CDK6: variants seen among roughly 807,000 people sequenced by gnomAD.
CDK6 encodes cyclin dependent kinase 6.
A neutral mutation model predicts 37.1 loss-of-function variants in CDK6; 6 were observed. The observed-to-expected ratio is 0.16, with a 90% confidence interval of 0.09 to 0.32. The LOEUF is 0.32. Among genes scored for constraint, CDK6 ranks in the 10% least tolerant of loss-of-function variants. CDK6 has a pLI of 1.00. For synonymous variants in CDK6, 160 were observed against 161.3 expected (o/e 0.99, Z 0.06); for missense variants, 224 against 418.9 (o/e 0.53, Z 4.06).
chr7:92,696,037 C>G (rs1481137595), intron 4 of CDK6, among the ~76,000 whole-genome samples: 1 of 152,212 alleles, frequency 6.6e-6, no homozygotes, highest in African/African-American at 2.4e-5. Flanking sequence ...GGTATTGGAT[C>G]TGGGTTTCGG....
At chr7:92,759,731 TA>T (rs1385422841) in intron 3 of CDK6, among the ~76,000 whole-genome samples, 2 of 148,102 alleles carry the variant, frequency 1.4e-5, no homozygotes, top group Non-Finnish European at 3.0e-5. Context: ...AAAGAAAGCT[TA>T]AAAAAAAACC....
chr7:92,771,284 C>T (rs993079370), intron 3 of CDK6, among the ~76,000 whole-genome samples: 7 of 141,662 alleles, frequency 4.9e-5, no homozygotes, highest in South Asian at 4.5e-4. Flanking sequence ...TATGTGACTC[C>T]GTCTCAAAAA....
chr7:92,718,804 A>C (rs1211555473), intron 4 of CDK6, among the ~76,000 whole-genome samples: 1 of 152,034 alleles, frequency 6.6e-6, no homozygotes, highest in African/African-American at 2.4e-5. Context: ...CCTTTATTGC[A>C]TTTATCTCTG....
At chr7:92,710,127 C>A (rs1475726729) in intron 4 of CDK6, among the ~76,000 whole-genome samples, 4 of 152,156 alleles carry the variant, frequency 2.6e-5, no homozygotes, top group Non-Finnish European at 5.9e-5. Context: ...TCGTTGTTCA[C>A]CCAACAGCCA....
At chr7:92,704,794 A>G (rs1797931369) in intron 4 of CDK6, among the ~76,000 whole-genome samples, 1 of 152,230 alleles carries the variant, frequency 6.6e-6, no homozygotes, top group Non-Finnish European at 1.5e-5. Flanking sequence ...GCTGCAGAGT[A>G]TTCCTGAATA....
intron 5 of CDK6, among the ~76,000 whole-genome samples, chr7:92,639,972 GA>G (rs1258415875): frequency 6.6e-6 from 1 of 152,142 alleles, no homozygotes; most frequent in African/African-American, 2.4e-5. Flanking sequence ...CTCATCTTTT[GA>G]ATCCAAGGGT....
chr7:92,688,585 A>T (rs1468806919), intron 4 of CDK6, among the ~76,000 whole-genome samples: 2,310 of 109,546 alleles, frequency 0.021, 38 homozygotes, highest in East Asian at 0.11. Context: ...TATACATCAC[A>T]CACACACACA....
At chr7:92,688,022 A>T (rs931205486) in intron 4 of CDK6, among the ~76,000 whole-genome samples, 1 of 152,162 alleles carries the variant, frequency 6.6e-6, no homozygotes, top group African/African-American at 2.4e-5. Context: ...TTTGTTTAGC[A>T]ATTTTTTCTG....
chr7:92,615,344 C>A, intron 7 of CDK6, 58 bp from the exon 8 acceptor site: 1 of 1,385,888 alleles, frequency 7.2e-7, no homozygotes, highest in South Asian at 1.2e-5. Context: ...AAATAATGTA[C>A]TTACAGAGTT....
chr7:92,693,783 T>C lies in CDK6; in HGVS notation c.538-22248A>G, dbSNP rs188286447. Among the ~76,000 whole-genome samples, 111 of 152,338 alleles carry C rather than the reference T, an allele frequency of 7.3e-4. 1 individual carries two copies. The highest frequency in any genetic ancestry group is 2.0e-3 in the Admixed American group (30 of 15,310). On this transcript the variant is annotated intron_variant, in intron 4 of 7. Transcript: ENST00000424848. ...TTTGATGTAGAGTTCACTGTTGTCA[T>C]GTGAAGTCACTGTTACACATTAAAT...
At chr7:92,811,375 A>G (rs1013726458) in intron 2 of CDK6, among the ~76,000 whole-genome samples, 4 of 152,206 alleles carry the variant, frequency 2.6e-5, no homozygotes, top group Non-Finnish European at 5.9e-5. Context: ...ACACTGAGAC[A>G]CGTGGCTGAA....
chr7:92,672,160 T>TATATAC (rs1210519115), intron 4 of CDK6, among the ~76,000 whole-genome samples: 2,846 of 78,964 alleles, frequency 0.036, 155 homozygotes, highest in East Asian at 0.062. Context: ...TATATATATA[T>TATATAC]ACACATACAC....
intron 4 of CDK6, among the ~76,000 whole-genome samples, chr7:92,702,730 T>C (rs543787647): frequency 1.3e-5 from 2 of 152,190 alleles, no homozygotes; most frequent in Non-Finnish European, 2.9e-5. Context: ...GACATGGTCA[T>C]ATTGTGAAAT....
rs531187523 is a variant in CDK6, at chr7:92,692,037, G to C, written c.538-20502C>G. 2.0e-3 allele frequency among the ~76,000 whole-genome samples: 304 copies of C among 152,298 alleles called. 1 individual carries two copies. Among genetic ancestry groups the C allele is most frequent in the African/African-American group, 7.0e-3 (291 of 41,558 alleles). Reference sequence around the variant, plus strand: ...AATCCCAGCACTTTGGGAGGCCGAGGTGGGCGGATCATCTGAAGTCAGGAG... The same window carrying C: ...AATCCCAGCACTTTGGGAGGCCGAGCTGGGCGGATCATCTGAAGTCAGGAG... On this transcript the variant is annotated intron_variant, in intron 4 of 7. Transcript: ENST00000424848.
intron 2 of CDK6, among the ~76,000 whole-genome samples, chr7:92,792,557 A>G (rs3731296): frequency 1.2e-4 from 19 of 152,100 alleles, no homozygotes; most frequent in African/African-American, 3.6e-4. Flanking sequence ...AGATTGTACC[A>G]ATTTATACTC....
At chr7:92,803,557 C>T (rs1294857961) in intron 2 of CDK6, among the ~76,000 whole-genome samples, 1 of 152,150 alleles carries the variant, frequency 6.6e-6, no homozygotes, top group African/African-American at 2.4e-5. Context: ...AGGGCAGAGT[C>T]CCCATTTAGA....
Position 92,615,302 on chromosome 7 carries a change from A to C in CDK6, c.835-16T>G, listed in dbSNP as rs907510692. On this transcript the variant is annotated splice_polypyrimidine_tract_variant and intron_variant, in intron 7 of 7. Transcript: ENST00000424848. ...TCAAACACTTCTGTAATAAAGAAAA[A>C]AATAATTGGTTGATATACAATACAT... 3 of 1,599,560 alleles carry C rather than the reference A, an allele frequency of 1.9e-6. No individual in the cohort carries two copies. Among genetic ancestry groups the C allele is most frequent in the Non-Finnish European group, 2.6e-6 (3 of 1,168,068 alleles).
chr7:92,755,332 T>C (rs1235046725), intron 3 of CDK6, among the ~76,000 whole-genome samples: 1 of 152,006 alleles, frequency 6.6e-6, no homozygotes, highest in Non-Finnish European at 1.5e-5. Context: ...AGGGTACCTT[T>C]TTTTTTTAAC....
intron 4 of CDK6, among the ~76,000 whole-genome samples, chr7:92,684,589 T>C (rs758913524): frequency 5.3e-5 from 8 of 152,172 alleles, no homozygotes; most frequent in Non-Finnish European, 8.8e-5. Flanking sequence ...AGACCAGGCA[T>C]CACCCTTCCT....
Sources: allele counts gnomAD v4.1 joint callset (sites outside exome capture counted in the v4.1 genomes callset), GRCh38; gene constraint gnomAD v4.1.1; transcripts MANE v1.5; gene names NCBI Gene and HGNC (gene_info 2026-07-23, HGNC 2026-07-21).